Variants in BSPRY observed in about 807,000 individuals in gnomAD.
BSPRY encodes the protein B box and SPRY domain-containing protein.
Under a neutral mutation model 38.0 loss-of-function variants are expected in BSPRY, and 33 were observed. The observed-to-expected ratio is 0.87, with a 90% confidence interval of 0.66 to 1.16. The LOEUF is 1.16. BSPRY is among the 50% of genes most tolerant of loss of function. The probability of loss-of-function intolerance (pLI) is 0.00; values close to 1 mark genes in which losing one functional copy is unlikely to be tolerated. For synonymous variants in BSPRY, 224 were observed against 228.5 expected (o/e 0.98, Z 0.18); for missense variants, 523 against 533.2 (o/e 0.98, Z 0.19).
rs1283551269 is a variant in BSPRY at position 113,368,390 on chromosome 9, A to G, written c.682+7A>G. ...GTTCTTGGGTCTCTCTCAGGTTAGG[A>G]GCAGTAGAGCCCAGGACCATTAGGA... On this transcript the variant is annotated splice_region_variant and intron_variant, in intron 5 of 5. Transcript: ENST00000374183. 3.7e-6 allele frequency: 6 copies of G among 1,613,806 alleles called. No individual in the cohort carries two copies. The highest frequency in any genetic ancestry group is 5.1e-6 in the Non-Finnish European group (6 of 1,179,954).
chr9:113,364,342 AT>A (rs1407261041), intron 4 of BSPRY, among the ~76,000 whole-genome samples: 2 of 152,108 alleles, frequency 1.3e-5, no homozygotes, highest in African/African-American at 4.8e-5. Context: ...GACGGATCAT[AT>A]TTATTTTACT....
chr9:113,370,285 G>A lies in BSPRY; in HGVS notation c.*143G>A. The A allele has an allele frequency of 9.7e-7, 1 of 1,031,538 alleles. No homozygotes were observed. The highest frequency in any genetic ancestry group is 1.6e-5 in the African/African-American group (1 of 61,754). 63.9% of individuals were successfully genotyped at this position (1,031,538 alleles called of 1,614,324 possible). ...CAGTGGGCAGCTTTAGGAGGGATGGGGATCTGTTTCAGATCTAGGCATAAC... is the reference window on the plus strand; with the variant it reads ...CAGTGGGCAGCTTTAGGAGGGATGGAGATCTGTTTCAGATCTAGGCATAAC... On this transcript the variant is annotated 3_prime_UTR_variant, in exon 6 of 6. Transcript: ENST00000374183. The surrounding 1 kb of genome is among the most constrained non-coding windows in gnomAD (Gnocchi z 4.8).
intron 4 of BSPRY, among the ~76,000 whole-genome samples, chr9:113,364,186 C>G (rs1228513171): frequency 6.6e-6 from 1 of 151,152 alleles, no homozygotes; most frequent in South Asian, 2.1e-4. Flanking sequence ...AACCCTGTCT[C>G]AAAAAAAACA....
chr9:113,365,558 T>G (rs1834233875), intron 4 of BSPRY, among the ~76,000 whole-genome samples: 1 of 152,318 alleles, frequency 6.6e-6, no homozygotes, highest in African/African-American at 2.4e-5. Flanking sequence ...CCAGCTCAAC[T>G]TGTGCTTTTC....
chr9:113,353,999 T>G (rs1328486963), intron 1 of BSPRY, among the ~76,000 whole-genome samples: 1 of 152,202 alleles, frequency 6.6e-6, no homozygotes, highest in Admixed American at 6.5e-5. Flanking sequence ...TGGCCTCAAC[T>G]GAGCTGTTGC....
chr9:113,359,799 C>T (rs1834119349), intron 2 of BSPRY, among the ~76,000 whole-genome samples: 1 of 152,056 alleles, frequency 6.6e-6, no homozygotes, highest in Middle Eastern at 3.2e-3. Context: ...CTTTGTGGGG[C>T]TGAGTTGGGC....
At position 113,349,613 on chromosome 9, in the gene BSPRY, TCCGGGTCCGGGCCCGGGCCGGGGC is replaced by T. The variant is rs1231243119; in HGVS notation, c.36_59del (p.Gly13_Pro20del). On this transcript the variant is annotated inframe_deletion, in exon 1 of 6. Transcript: ENST00000374183. ...CGAGGGCGCGGAGCCGGGGCCGGGG[TCCGGGTCCGGGCCCGGGCCGGGGC>T]CACTCTGCCCCGAACACGGCCAGGC... 8.4e-6 allele frequency: 10 copies of T among 1,194,890 alleles called. No homozygotes were observed. The highest frequency in any genetic ancestry group is 5.2e-6 in the Non-Finnish European group (5 of 964,306). 74.0% of individuals were successfully genotyped at this position (1,194,890 alleles called of 1,614,324 possible).
chr9:113,368,419 C>T, intron 5 of BSPRY, 36 bp downstream of exon 5: 1 of 1,602,778 alleles, frequency 6.2e-7, no homozygotes, highest in Non-Finnish European at 8.5e-7. Context: ...ATTAGGACAA[C>T]TGGGCTTCTG....
intron 4 of BSPRY, among the ~76,000 whole-genome samples, chr9:113,363,527 G>A (rs1432749040): frequency 6.6e-6 from 1 of 152,160 alleles, no homozygotes; most frequent in Non-Finnish European, 1.5e-5. Context: ...TTGAACAGAT[G>A]TGCATTTGTG....
At chr9:113,364,422 C>T (rs910110714) in intron 4 of BSPRY, among the ~76,000 whole-genome samples, 1 of 152,152 alleles carries the variant, frequency 6.6e-6, no homozygotes, top group Non-Finnish European at 1.5e-5. Flanking sequence ...TTCTGCCCAT[C>T]TTCTCTATCT....
chr9:113,356,941 T>G (rs1834069868), intron 2 of BSPRY, among the ~76,000 whole-genome samples: 1 of 152,082 alleles, frequency 6.6e-6, no homozygotes, highest in Non-Finnish European at 1.5e-5. Flanking sequence ...AGGTGCTGAG[T>G]AGGTAGCTGC....
chr9:113,370,198 T>A lies in BSPRY; in HGVS notation c.*56T>A. On this transcript the variant is annotated 3_prime_UTR_variant, in exon 6 of 6. Coordinates refer to ENST00000374183, the MANE Select transcript of BSPRY (RefSeq NM_017688.3). The surrounding 1 kb of genome is among the most constrained non-coding windows in gnomAD (Gnocchi z 4.8). ...CCACCACCCTTTCAGGCCATGTTTCTACTCAGTGTGCTTTTCCCAAATGAT... is the reference window on the plus strand; with the variant it reads ...CCACCACCCTTTCAGGCCATGTTTCAACTCAGTGTGCTTTTCCCAAATGAT... 6.7e-7 allele frequency: 1 copy of A among 1,502,540 alleles called. No individual in the cohort carries two copies. The highest frequency in any genetic ancestry group is 8.9e-7 in the Non-Finnish European group (1 of 1,122,360). 93.1% of individuals were successfully genotyped at this position (1,502,540 alleles called of 1,614,324 possible).
chr9:113,366,718 C>T (rs1045313360), intron 4 of BSPRY, among the ~76,000 whole-genome samples: 4 of 152,252 alleles, frequency 2.6e-5, no homozygotes, highest in South Asian at 2.1e-4. Context: ...GGAGCTCCTG[C>T]GTTCTGAGAA....
At chr9:113,369,203 A>C (rs925123710) in intron 5 of BSPRY, among the ~76,000 whole-genome samples, 7 of 152,188 alleles carry the variant, frequency 4.6e-5, no homozygotes, top group Non-Finnish European at 7.3e-5. Flanking sequence ...GATATGACCA[A>C]GTAGAAAGAG....
chr9:113,349,778 C>T lies in BSPRY; in HGVS notation c.199C>T (p.Arg67Trp). ...RRAEERAEEL[R>W]NKIVDQCERL... is the part of the protein sequence containing the mutation. ...GGCGGAGGAGCGCGCCGAGGAGCTG[C>T]GGGTGAGCGGGTGTGGGCGCCGGAA... Residue 67 changes from arginine (R) to tryptophan (W), a missense_variant and splice_region_variant, in exon 1 of 6, where the codon CGG becomes TGG. Transcript: ENST00000374183. The T allele has an allele frequency of 1.6e-6, 2 of 1,231,428 alleles. No homozygotes were observed. Among genetic ancestry groups the T allele is most frequent in the Non-Finnish European group, 2.0e-6 (2 of 987,706 alleles). The allele number at this position is 1,231,428 out of a possible 1,614,324, so 76.3% of individuals were successfully genotyped here. A position where few individuals can be genotyped will look rare whatever the true frequency, so the allele number is the denominator to read the frequency against.
At chr9:113,350,206 G>A (rs1588058862) in intron 1 of BSPRY, among the ~76,000 whole-genome samples, 1 of 152,096 alleles carries the variant, frequency 6.6e-6, no homozygotes, top group Non-Finnish European at 1.5e-5. Context: ...CTCAGCGCAG[G>A]GTGTGCCCCA....
At position 113,369,991 on chromosome 9, in the gene BSPRY, A is replaced by T. The variant is rs1834318239; in HGVS notation, c.1058A>T (p.Gln353Leu). Residue 353 changes from glutamine (Q) to leucine (L), a missense_variant, in exon 6 of 6, where the codon CAG becomes CTG. By Grantham distance (113) the Gln-to-Leu change is moderately radical. Transcript: ENST00000374183. ...CTGGGGCTGCTGCGGGGCCCAGCCC[A>T]GCTGGGTGTAGTGCTGGACTTGCAG... ...EPLGLLRGPA[Q>L]LGVVLDLQVQ... is the part of the protein sequence containing the mutation. 2 of 1,614,032 alleles carry T rather than the reference A, an allele frequency of 1.2e-6. No homozygotes were observed. Among genetic ancestry groups the T allele is most frequent in the Non-Finnish European group, 1.7e-6 (2 of 1,180,040 alleles).
At chr9:113,362,335 G>T in intron 3 of BSPRY, 34 bp from the exon 4 acceptor site, 1 of 1,613,912 alleles carries the variant, frequency 6.2e-7, no homozygotes, top group South Asian at 1.1e-5. Flanking sequence ...TGGGTATCTG[G>T]TGCCAAGCTT....
At chr9:113,355,273 T>G (rs1477511966) in intron 2 of BSPRY, among the ~76,000 whole-genome samples, 1 of 152,200 alleles carries the variant, frequency 6.6e-6, no homozygotes, top group African/African-American at 2.4e-5. Context: ...CTCCCTCCTT[T>G]CCCTATAGTA....
Sources: allele counts gnomAD v4.1 joint callset (sites outside exome capture counted in the v4.1 genomes callset), GRCh38; gene constraint gnomAD v4.1.1; non-coding constraint Gnocchi (gnomAD v3.1); transcripts MANE v1.5; gene names NCBI Gene and HGNC (gene_info 2026-07-23, HGNC 2026-07-21).